The following MGLL variants were observed in gnomAD, a reference collection of about 807,000 sequenced individuals.
MGLL encodes lysophospholipase homolog.
A neutral mutation model predicts 29.1 loss-of-function variants in MGLL; 7 were observed. The ratio of observed to expected loss-of-function variants is 0.24; its 90% CI spans 0.14 to 0.45. The LOEUF (loss-of-function observed/expected upper bound fraction) is 0.45. Among genes scored for constraint, MGLL ranks in the 20% least tolerant of loss-of-function variants. The pLI is 0.99. For synonymous variants in MGLL, 148 were observed against 168.3 expected (o/e 0.88, Z 0.93); for missense variants, 356 against 413.6 (o/e 0.86, Z 1.21).
intron 3 of MGLL, among the ~76,000 whole-genome samples, chr3:127,753,983 C>T (rs1260260100): frequency 6.6e-6 from 1 of 152,226 alleles, no homozygotes; most frequent in African/African-American, 2.4e-5. Flanking sequence ...CCAGCCTCGT[C>T]ACAGCTGTCA....
chr3:127,722,520 G>C lies in MGLL; in HGVS notation c.309C>G (p.Phe103Leu). 1 of 1,614,240 alleles carries C rather than the reference G, an allele frequency of 6.2e-7. No individual in the cohort carries two copies. The highest frequency in any genetic ancestry group is 8.5e-7 in the Non-Finnish European group (1 of 1,180,038). ...SEGERMVVSD[F>L]HVFVRDVLQH... is the part of the protein sequence containing the mutation. ...GCAACACATCCCTGACGAAAACGTG[G>C]AAGTCAGACACTACCATCCTCTCCC... The change falls in exon 4 of 8, where the codon TTC becomes TTG. Residue 103 changes from phenylalanine to leucine, a missense_variant. Transcript: ENST00000265052.
At chr3:127,810,128 A>C (rs1170718854) in intron 2 of MGLL, among the ~76,000 whole-genome samples, 2 of 152,210 alleles carry the variant, frequency 1.3e-5, no homozygotes, top group Non-Finnish European at 2.9e-5. Flanking sequence ...AACTGAGTGC[A>C]CAAAGGAAAG....
At chr3:127,794,449 G>A (rs75569824) in intron 2 of MGLL, among the ~76,000 whole-genome samples, 1,564 of 152,130 alleles carry the variant, frequency 0.01, 28 homozygotes, top group South Asian at 0.037. Flanking sequence ...ATGATGTAAG[G>A]ATGTCTTATA....
intron 7 of MGLL, among the ~76,000 whole-genome samples, chr3:127,694,542 A>T (rs2075319430): frequency 6.6e-6 from 1 of 151,936 alleles, no homozygotes; most frequent in African/African-American, 2.4e-5. Flanking sequence ...GGCTCTGCCA[A>T]GTCCTGCCAG....
intron 2 of MGLL, among the ~76,000 whole-genome samples, chr3:127,803,309 G>A (rs1397251241): frequency 6.6e-6 from 1 of 152,094 alleles, no homozygotes; most frequent in African/African-American, 2.4e-5. Context: ...TGCTGCACGG[G>A]GAGGGCCTTT....
intron 2 of MGLL, among the ~76,000 whole-genome samples, chr3:127,798,732 C>T (rs1407504851): frequency 2.0e-5 from 3 of 152,216 alleles, no homozygotes; most frequent in Admixed American, 1.3e-4. Flanking sequence ...CTTACATCAT[C>T]TCCCCGCACC....
intron 2 of MGLL, among the ~76,000 whole-genome samples, chr3:127,818,134 G>C (rs1028723996): frequency 5.5e-4 from 83 of 152,240 alleles, no homozygotes; most frequent in African/African-American, 1.9e-3. Context: ...GTAATTTTTT[G>C]TATTTTTAGT....
chr3:127,694,822 T>C (rs189658842), intron 7 of MGLL, among the ~76,000 whole-genome samples, 153 bp downstream of exon 7: 1 of 152,326 alleles, frequency 6.6e-6, no homozygotes, highest in East Asian at 1.9e-4. Flanking sequence ...CTGGGATTCC[T>C]TTTATTTATT....
intron 5 of MGLL, among the ~76,000 whole-genome samples, chr3:127,716,472 C>T (rs1234487448): frequency 6.6e-6 from 1 of 152,226 alleles, no homozygotes; most frequent in African/African-American, 2.4e-5. Context: ...AGGAAAAGCA[C>T]GTGACGTGCA....
chr3:127,737,788 G>T (rs1240316843), intron 3 of MGLL, among the ~76,000 whole-genome samples: 2 of 151,506 alleles, frequency 1.3e-5, no homozygotes, highest in Non-Finnish European at 2.9e-5. Context: ...GGGATTACAG[G>T]CATGCACCAC....
At chr3:127,808,586 C>T (rs1478892160) in intron 2 of MGLL, among the ~76,000 whole-genome samples, 2 of 152,220 alleles carry the variant, frequency 1.3e-5, no homozygotes, top group East Asian at 3.8e-4. Flanking sequence ...TCAACACCAA[C>T]AGAAACACAT....
At chr3:127,727,483 G>A (rs1374721370) in intron 3 of MGLL, among the ~76,000 whole-genome samples, 1 of 152,024 alleles carries the variant, frequency 6.6e-6, no homozygotes, top group Non-Finnish European at 1.5e-5. Flanking sequence ...AGGCCAAGGT[G>A]GGCAGATCTC....
chr3:127,722,249 G>A (rs1226911382), intron 4 of MGLL, among the ~76,000 whole-genome samples, 181 bp downstream of exon 4: 4 of 152,242 alleles, frequency 2.6e-5, no homozygotes, highest in Non-Finnish European at 5.9e-5. Context: ...GGACCGGCTG[G>A]CAGCCTCCCT....
intron 3 of MGLL, among the ~76,000 whole-genome samples, chr3:127,781,169 G>A (rs1384438216): frequency 6.6e-6 from 1 of 152,104 alleles, no homozygotes; most frequent in Non-Finnish European, 1.5e-5. Context: ...AAATGTGTAG[G>A]TGCACATGTG....
intron 2 of MGLL, among the ~76,000 whole-genome samples, chr3:127,815,124 C>T (rs986340473): frequency 9.2e-5 from 14 of 152,066 alleles, no homozygotes; most frequent in Admixed American, 3.3e-4. Flanking sequence ...CAGAGTCACT[C>T]GTGATTCATA....
intron 2 of MGLL, among the ~76,000 whole-genome samples, chr3:127,782,656 AG>A (rs1407552518): frequency 1.3e-5 from 2 of 152,226 alleles, no homozygotes; most frequent in African/African-American, 4.8e-5. Flanking sequence ...TATTCTTAGC[AG>A]AAGACCTACG....
chr3:127,756,905 G>A (rs190174872), intron 3 of MGLL, among the ~76,000 whole-genome samples: 12 of 152,150 alleles, frequency 7.9e-5, no homozygotes, highest in African/African-American at 2.4e-4. Flanking sequence ...AGGGGCCCTC[G>A]TCTTCCTAGG....
intron 7 of MGLL, among the ~76,000 whole-genome samples, chr3:127,694,284 A>ATAT (rs1181255759): frequency 1.5e-3 from 164 of 105,980 alleles, no homozygotes; most frequent in East Asian, 8.9e-3. Flanking sequence ...AAAAAAAAAA[A>ATAT]AAATATATAT....
intron 3 of MGLL, among the ~76,000 whole-genome samples, chr3:127,777,661 C>A (rs1401415192): frequency 5.9e-5 from 9 of 152,210 alleles, no homozygotes; most frequent in Non-Finnish European, 1.2e-4. Flanking sequence ...CAGATGGAAC[C>A]CTGGGCACTG....
Sources: allele counts gnomAD v4.1 joint callset (sites outside exome capture counted in the v4.1 genomes callset), GRCh38; gene constraint gnomAD v4.1.1; transcripts MANE v1.5; gene names NCBI Gene and HGNC (gene_info 2026-07-23, HGNC 2026-07-21).